The following KLF12 variants were observed in gnomAD, a reference collection of about 807,000 sequenced individuals.
KLF12 encodes the protein Krueppel-like factor 12.
KLF12 carries 9 observed loss-of-function variants against 37.8 expected under a neutral mutation model. The observed-to-expected ratio is 0.24, with a 90% confidence interval of 0.14 to 0.42. The LOEUF (loss-of-function observed/expected upper bound fraction) is 0.42, where lower values mean the gene tolerates loss of function less well. Ranked by LOEUF, KLF12 falls within the 10% of genes least tolerant of loss-of-function variation. The pLI, the probability that KLF12 is intolerant of heterozygous loss-of-function variation, is 1.00. For synonymous variants in KLF12, 208 were observed against 202.1 expected, an observed-to-expected ratio of 1.03 and a Z score of -0.25; for missense variants, 411 against 516.0, an observed-to-expected ratio of 0.80 and a Z score of 1.97.
At chr13:74,123,344 C>T (rs957959192) in intron 1 of KLF12, among the ~76,000 whole-genome samples, 4 of 152,188 alleles carry the variant, frequency 2.6e-5, no homozygotes, top group Admixed American at 6.5e-5. Flanking sequence ...AAAGAGACTA[C>T]GGCATAAATC....
the KLF12 span, chr13:74,231,561 T>C: frequency 2.0e-5 from 3 of 152,222 alleles, no homozygotes; most frequent in Admixed American, 6.5e-5. Context: ...TATGTCATGT[T>C]TCATATACAA....
intron 4 of KLF12, among the ~76,000 whole-genome samples, chr13:73,820,703 T>C (rs1469887519): frequency 6.6e-6 from 1 of 152,230 alleles, no homozygotes; most frequent in Non-Finnish European, 1.5e-5. Context: ...CCCCCAATTT[T>C]TGTCTGTTCA....
chr13:74,295,882 C>A, the KLF12 span, among the ~76,000 whole-genome samples: 1 of 152,130 alleles, frequency 6.6e-6, no homozygotes, highest in Non-Finnish European at 1.5e-5. Flanking sequence ...GGCGTGATCT[C>A]AGTTCACTGC....
At chr13:73,823,848 T>C (rs1883678829) in intron 4 of KLF12, among the ~76,000 whole-genome samples, 1 of 152,060 alleles carries the variant, frequency 6.6e-6, no homozygotes, top group South Asian at 2.1e-4. Flanking sequence ...GTAGCTGGGA[T>C]TACAGGTGCA....
At chr13:73,986,400 A>G (rs2138212623) in intron 2 of KLF12, among the ~76,000 whole-genome samples, 1 of 152,346 alleles carries the variant, frequency 6.6e-6, no homozygotes, top group Non-Finnish European at 1.5e-5. Context: ...CATAAATCAT[A>G]ATTTGCTTGA....
chr13:74,108,128 C>A (rs539201655), intron 1 of KLF12, among the ~76,000 whole-genome samples: 15 of 152,256 alleles, frequency 9.9e-5, no homozygotes, highest in African/African-American at 3.4e-4. Flanking sequence ...CAATAGAGAT[C>A]ATTAAAAGGC....
intron 1 of KLF12, among the ~76,000 whole-genome samples, chr13:74,098,076 T>C (rs1302175404): frequency 2.6e-5 from 4 of 152,176 alleles, no homozygotes; most frequent in South Asian, 2.1e-4. Context: ...AATTTCCATA[T>C]GCTGACCCTT....
chr13:74,283,872 T>C, the KLF12 span, among the ~76,000 whole-genome samples: 2 of 151,634 alleles, frequency 1.3e-5, no homozygotes, highest in African/African-American at 4.9e-5. Flanking sequence ...TTTTTTTTTT[T>C]TCCCCAAGAT....
intron 2 of KLF12, among the ~76,000 whole-genome samples, chr13:73,990,385 C>CA (rs111494196): frequency 0.13 from 19,593 of 151,410 alleles, 1,423 homozygotes; most frequent in South Asian, 0.21. Context: ...GCATCCTGGA[C>CA]AAAAAAAACA....
intron 2 of KLF12, among the ~76,000 whole-genome samples, chr13:73,971,753 G>A (rs538479452): frequency 8.5e-5 from 13 of 152,076 alleles, no homozygotes; most frequent in African/African-American, 1.7e-4. Flanking sequence ...TAACAGGCTC[G>A]GCACAATGGC....
chr13:73,836,690 GTTT>G (rs889128751), intron 4 of KLF12, among the ~76,000 whole-genome samples: 1 of 151,754 alleles, frequency 6.6e-6, no homozygotes, highest in Non-Finnish European at 1.5e-5. Flanking sequence ...GAAAAAATTA[GTTT>G]TTTTTAAATA....
intron 4 of KLF12, among the ~76,000 whole-genome samples, chr13:73,830,991 TACACAC>T (rs71115618): frequency 1.3e-3 from 155 of 118,996 alleles, no homozygotes; most frequent in African/African-American, 2.7e-3. Context: ...ACGCAATTCA[TACACAC>T]ACACACACAC....
At chr13:73,963,735 T>G (rs1401960234) in intron 2 of KLF12, among the ~76,000 whole-genome samples, 2 of 152,188 alleles carry the variant, frequency 1.3e-5, no homozygotes, top group Admixed American at 6.5e-5. Flanking sequence ...AATCTTAATA[T>G]TTTGACATAG....
intron 7 of KLF12, among the ~76,000 whole-genome samples, chr13:73,713,379 G>C (rs2137666424): frequency 6.6e-6 from 1 of 152,300 alleles, no homozygotes; most frequent in Admixed American, 6.5e-5. Context: ...ACTAATGTGG[G>C]AACAATAGTC....
At chr13:74,258,119 G>A in the KLF12 span, 1 of 151,688 alleles carries the variant, frequency 6.6e-6, no homozygotes, top group South Asian at 2.1e-4. Context: ...AACACTAAGG[G>A]CAACTTCCTT....
intron 3 of KLF12, among the ~76,000 whole-genome samples, chr13:73,862,057 T>G (rs1173476156): frequency 1.3e-4 from 4 of 29,788 alleles, no homozygotes; most frequent in South Asian, 2.6e-3. Context: ...ATAGTTGGGT[T>G]TTTTTTTTTT....
chr13:73,739,274 T>TAATAAA (rs1417264951), intron 6 of KLF12, among the ~76,000 whole-genome samples: 15 of 149,932 alleles, frequency 1.0e-4, no homozygotes, highest in African/African-American at 3.7e-4. Context: ...ATAATAATAA[T>TAATAAA]AAATGTACTT....
At chr13:74,257,927 T>C in the KLF12 span, 1 of 152,196 alleles carries the variant, frequency 6.6e-6, no homozygotes, top group South Asian at 2.1e-4. Flanking sequence ...TGAAAAGTCT[T>C]CTCTGTATTA....
chr13:74,277,170 A>G, the KLF12 span, among the ~76,000 whole-genome samples: 1 of 152,210 alleles, frequency 6.6e-6, no homozygotes, highest in Non-Finnish European at 1.5e-5. Flanking sequence ...ATTATATTAT[A>G]CATGTCTTCA....
Sources: allele counts gnomAD v4.1 joint callset (sites outside exome capture counted in the v4.1 genomes callset), GRCh38; gene constraint gnomAD v4.1.1; transcripts MANE v1.5; gene names NCBI Gene and HGNC (gene_info 2026-07-23, HGNC 2026-07-21).